Variants in CNTN4 observed in about 807,000 individuals in gnomAD.
CNTN4 encodes contactin 4, also known as contactin-4.
Under a neutral mutation model 122.5 loss-of-function variants are expected in CNTN4, and 77 were observed. That is an observed-to-expected ratio of 0.63 (90% CI 0.52 to 0.76). The LOEUF is 0.76. Ranked by LOEUF, CNTN4 falls within the 30% of genes least tolerant of loss-of-function variation. CNTN4 has a pLI of 0.00. For missense variants in CNTN4, 1,256 were observed against 1,259.1 expected, an observed-to-expected ratio of 1.00 and a Z score of 0.04; for synonymous variants, 512 against 447.0, an observed-to-expected ratio of 1.15 and a Z score of -1.83.
At chr3:2,349,972 G>A (rs1351599591) in intron 3 of CNTN4, among the ~76,000 whole-genome samples, 1 of 152,186 alleles carries the variant, frequency 6.6e-6, no homozygotes, top group African/African-American at 2.4e-5. Context: ...CTGAGCCTGT[G>A]AGGGACAGGG....
intron 4 of CNTN4, among the ~76,000 whole-genome samples, chr3:2,612,635 G>A (rs2081548280): frequency 6.6e-6 from 1 of 152,106 alleles, no homozygotes; most frequent in Non-Finnish European, 1.5e-5. Flanking sequence ...GAATGAGGTA[G>A]ATAAAATATA....
rs990375749 is a variant in CNTN4 at position 2,814,964 on chromosome 3, G to A, written c.359-4522G>A. Among the ~76,000 whole-genome samples the A allele has an allele frequency of 1.2e-4, 19 of 152,164 alleles. 1 individual carries two copies. The highest frequency in any genetic ancestry group is 3.2e-3 in the Middle Eastern group (1 of 316). On this transcript the variant is annotated intron_variant, in intron 6 of 24. Coordinates refer to ENST00000418658, the MANE Select transcript of CNTN4 (RefSeq NM_175607.3). ...TTAGTGTGATGGCCACAGTGACAGA[G>A]CATTATCCATAATGTATATTCCGTC...
intron 3 of CNTN4, among the ~76,000 whole-genome samples, chr3:2,480,173 G>C (rs927544746): frequency 6.6e-6 from 1 of 151,952 alleles, no homozygotes; most frequent in Non-Finnish European, 1.5e-5. Context: ...ATACTTAATG[G>C]TGAGAATCTC....
chr3:3,011,237 C>A (rs1697202015), intron 14 of CNTN4, among the ~76,000 whole-genome samples: 1 of 152,146 alleles, frequency 6.6e-6, no homozygotes, highest in Non-Finnish European at 1.5e-5. Context: ...CTTTCATGTC[C>A]CTCAATAAAG....
intron 13 of CNTN4, among the ~76,000 whole-genome samples, chr3:2,952,403 T>C (rs1376580784): frequency 6.6e-6 from 1 of 152,196 alleles, no homozygotes; most frequent in Non-Finnish European, 1.5e-5. Context: ...GTACTTAAAA[T>C]GGACTTAATA....
At position 3,034,711 on chromosome 3, in the gene CNTN4, T is replaced by C. The variant is rs751018531; in HGVS notation, c.1863T>C (p.Pro621=). The C allele has an allele frequency of 6.2e-7, 1 of 1,613,952 alleles. No homozygotes were observed. The highest frequency in any genetic ancestry group is 8.5e-7 in the Non-Finnish European group (1 of 1,179,992). The change falls in exon 17 of 25, where the codon CCT becomes CCC. Residue 621 remains proline, a synonymous_variant. Coordinates refer to ENST00000418658, the MANE Select transcript of CNTN4 (RefSeq NM_175607.3). ...CTCAGCTCTCCTGGAGACCCGGGCC[T>C]GACAACCACAGCCCCATCACCATGT... The part of the protein sequence containing the change: ...TTAQLSWRPG[P]DNHSPITMYV...
intron 3 of CNTN4, among the ~76,000 whole-genome samples, chr3:2,549,878 C>T (rs1486458653): frequency 6.6e-6 from 1 of 152,112 alleles, no homozygotes; most frequent in Non-Finnish European, 1.5e-5. Context: ...AATTTCAGAA[C>T]TTGTTATTGG....
chr3:2,595,360 G>C (rs2080719345), intron 4 of CNTN4, among the ~76,000 whole-genome samples: 1 of 152,122 alleles, frequency 6.6e-6, no homozygotes. Context: ...ATTCCACAAT[G>C]TCACATATCA....
At chr3:2,374,869 T>C (rs1426308348) in intron 3 of CNTN4, among the ~76,000 whole-genome samples, 1 of 152,148 alleles carries the variant, frequency 6.6e-6, no homozygotes, top group Non-Finnish European at 1.5e-5. Flanking sequence ...CTGGTTGAAA[T>C]AGTGATCAAA....
intron 4 of CNTN4, among the ~76,000 whole-genome samples, chr3:2,631,662 G>A (rs2082434511): frequency 6.6e-6 from 1 of 151,378 alleles, no homozygotes; most frequent in African/African-American, 2.4e-5. Context: ...ACAGAAGTCA[G>A]GTTAACAAAT....
intron 3 of CNTN4, among the ~76,000 whole-genome samples, chr3:2,466,577 T>C (rs1176022717): frequency 1.3e-5 from 2 of 152,186 alleles, no homozygotes; most frequent in Non-Finnish European, 2.9e-5. Flanking sequence ...AGTTTGCTGG[T>C]GTGGCAGAAA....
At chr3:2,582,241 G>A (rs1559265825) in intron 4 of CNTN4, among the ~76,000 whole-genome samples, 1 of 152,220 alleles carries the variant, frequency 6.6e-6, no homozygotes, top group Non-Finnish European at 1.5e-5. Flanking sequence ...CAGGAAGTTA[G>A]AGTTGCTCAG....
chr3:2,275,147 T>C (rs1251238582), intron 2 of CNTN4, among the ~76,000 whole-genome samples: 3 of 152,222 alleles, frequency 2.0e-5, no homozygotes, highest in Non-Finnish European at 2.9e-5. Context: ...TCAGAGTCTG[T>C]CACTATAATG....
chr3:3,000,477 A>T (rs573488890), intron 14 of CNTN4, among the ~76,000 whole-genome samples: 2 of 152,374 alleles, frequency 1.3e-5, no homozygotes, highest in African/African-American at 4.8e-5. Context: ...GTACCATAAG[A>T]GATGAGCAGG....
chr3:2,441,360 C>T (rs1256049317), intron 3 of CNTN4, among the ~76,000 whole-genome samples: 1 of 152,134 alleles, frequency 6.6e-6, no homozygotes, highest in East Asian at 1.9e-4. Flanking sequence ...TTTAAGCCTC[C>T]TGCCTGTATG....
chr3:2,307,292 G>T (rs569592846), intron 2 of CNTN4, among the ~76,000 whole-genome samples: 2 of 152,052 alleles, frequency 1.3e-5, no homozygotes, highest in Admixed American at 6.5e-5. Flanking sequence ...AAATGTAGCC[G>T]GGCGTGGTGG....
At chr3:2,120,411 T>A (rs1469737498) in intron 2 of CNTN4, among the ~76,000 whole-genome samples, 1,210 of 89,912 alleles carry the variant, frequency 0.013, 16 homozygotes, top group East Asian at 0.056. Context: ...ATATATTTTT[T>A]TTTTTTTTTT....
At chr3:3,017,052 G>A (rs1248458125) in intron 14 of CNTN4, among the ~76,000 whole-genome samples, 2 of 152,292 alleles carry the variant, frequency 1.3e-5, no homozygotes, top group East Asian at 1.9e-4. Flanking sequence ...ACCTTGACTT[G>A]TGAACGTGCC....
intron 3 of CNTN4, among the ~76,000 whole-genome samples, chr3:2,403,272 C>T (rs2046922557): frequency 6.6e-6 from 1 of 152,078 alleles, no homozygotes; most frequent in Non-Finnish European, 1.5e-5. Context: ...ATTATATCTG[C>T]AGTGACCCTA....
Sources: gnomAD v4.1 joint callset for allele counts (sites outside exome capture counted in the v4.1 genomes callset) on GRCh38, gnomAD v4.1.1 for gene constraint, MANE v1.5 for transcripts, NCBI Gene and HGNC (gene_info 2026-07-23, HGNC 2026-07-21) for gene names.